The following EML6 variants were observed in gnomAD, a reference collection of about 807,000 sequenced individuals.
The protein encoded by EML6 is EMAP like 6.
A neutral mutation model predicts 240.1 loss-of-function variants in EML6; 154 were observed. The observed-to-expected ratio is 0.64, with a 90% CI of 0.56 to 0.73. EML6 has a LOEUF of 0.73. Ranked by LOEUF, EML6 falls within the 30% of genes least tolerant of loss-of-function variation. The pLI is 0.00. For synonymous variants in EML6, 1,148 were observed against 899.0 expected (o/e 1.28, Z -4.95); for missense variants, 2,964 against 2,474.6 (o/e 1.20, Z -4.20).
chr2:54,887,526 G>T (rs1573074400), intron 17 of EML6, among the ~76,000 whole-genome samples: 1 of 152,126 alleles, frequency 6.6e-6, no homozygotes, highest in Admixed American at 6.5e-5. Flanking sequence ...TTTTTATGTG[G>T]TTAAATTTAT....
chr2:54,848,523 C>T (rs1470050973), intron 9 of EML6, among the ~76,000 whole-genome samples: 2 of 3,912 alleles, frequency 5.1e-4, no homozygotes, highest in Non-Finnish European at 1.2e-3. Flanking sequence ...AGCTTCCACA[C>T]TACACACACA....
intron 2 of EML6, among the ~76,000 whole-genome samples, chr2:54,779,474 A>G (rs954393090): frequency 4.1e-5 from 6 of 146,362 alleles, no homozygotes; most frequent in Non-Finnish European, 6.0e-5. Context: ...TGAACTCGGG[A>G]GGTGGAGGTT....
intron 28 of EML6, among the ~76,000 whole-genome samples, chr2:54,936,607 A>C (rs1181707079): frequency 4.6e-5 from 7 of 152,184 alleles, no homozygotes; most frequent in African/African-American, 1.7e-4. Flanking sequence ...TAATTAGCTC[A>C]AGGATTGTTT....
chr2:54,767,597 A>AGTGTGTGTGTGTGTGTGT (rs111232633), intron 2 of EML6, among the ~76,000 whole-genome samples: 4 of 145,510 alleles, frequency 2.7e-5, no homozygotes, highest in African/African-American at 1.0e-4. Context: ...TGGTATGAAG[A>AGTGTGTGTGTGTGTGTGT]GTGTGTGTGT....
intron 30 of EML6, 112 bp downstream of exon 30, chr2:54,950,891 C>T (rs1416054630): frequency 9.8e-6 from 11 of 1,118,536 alleles, no homozygotes; most frequent in Non-Finnish European, 1.4e-5. Flanking sequence ...TAGAGCCATT[C>T]CCCCCAATTC....
At chr2:54,880,898 G>C (rs1483947082) in intron 17 of EML6, 3 of 152,188 alleles carry the variant, frequency 2.0e-5, no homozygotes, top group African/African-American at 7.2e-5. Flanking sequence ...ACCCTCTGCA[G>C]CTATGGGTGG....
At chr2:54,943,915 G>T (rs557055245) in intron 28 of EML6, among the ~76,000 whole-genome samples, 2 of 152,256 alleles carry the variant, frequency 1.3e-5, no homozygotes, top group South Asian at 4.2e-4. Flanking sequence ...TGTGGCATTG[G>T]CTACTGAATT....
At chr2:54,935,481 A>G (rs1573176627) in intron 28 of EML6, among the ~76,000 whole-genome samples, 2 of 152,200 alleles carry the variant, frequency 1.3e-5, no homozygotes, top group East Asian at 3.8e-4. Flanking sequence ...ATAACTTTTT[A>G]AAAATCAGAG....
intron 25 of EML6, among the ~76,000 whole-genome samples, chr2:54,912,948 TG>T (rs559920967): frequency 2.0e-4 from 30 of 152,282 alleles, no homozygotes; most frequent in African/African-American, 6.5e-4. Flanking sequence ...CTGAGTAGAA[TG>T]GTAATTCTTT....
intron 13 of EML6, 73 bp from the exon 14 acceptor site, chr2:54,866,693 G>C: frequency 1.4e-6 from 1 of 729,728 alleles, no homozygotes; most frequent in Non-Finnish European, 2.2e-6. Flanking sequence ...GATTTTACAA[G>C]AATGTCAAGA....
At chr2:54,834,621 G>C (rs190811184) in intron 7 of EML6, among the ~76,000 whole-genome samples, 3 of 152,254 alleles carry the variant, frequency 2.0e-5, no homozygotes, top group Admixed American at 2.0e-4. Context: ...GGAGGTCGGG[G>C]GAGTTCTGTG....
intron 2 of EML6, among the ~76,000 whole-genome samples, chr2:54,751,361 G>T (rs1378090843): frequency 1.3e-5 from 2 of 152,152 alleles, no homozygotes; most frequent in Admixed American, 6.5e-5. Flanking sequence ...ACTCTAATGG[G>T]AGTATAGATA....
intron 2 of EML6, among the ~76,000 whole-genome samples, chr2:54,727,428 A>G (rs142994421): frequency 6.6e-6 from 1 of 152,242 alleles, no homozygotes; most frequent in Admixed American, 6.5e-5. Flanking sequence ...ATTAAGAGCT[A>G]TGAAATTGGA....
intron 24 of EML6, 25 bp downstream of exon 24, chr2:54,903,527 A>G (rs2104225854): frequency 6.5e-7 from 1 of 1,527,904 alleles, no homozygotes; most frequent in South Asian, 1.2e-5. Flanking sequence ...GGCTTTTAAA[A>G]TAGAATTTCT....
intron 32 of EML6, among the ~76,000 whole-genome samples, chr2:54,957,374 C>T (rs922124443): frequency 7.7e-6 from 1 of 129,836 alleles, no homozygotes; most frequent in East Asian, 2.4e-4. Flanking sequence ...AAAAAAAAAG[C>T]TCTCTAGAGG....
intron 2 of EML6, among the ~76,000 whole-genome samples, chr2:54,791,983 A>G (rs965137470): frequency 1.3e-5 from 2 of 152,200 alleles, no homozygotes; most frequent in African/African-American, 4.8e-5. Context: ...GGCTTATTGT[A>G]GTGTTTATTA....
At chr2:54,850,822 G>T (rs1670039224) in intron 10 of EML6, among the ~76,000 whole-genome samples, 1 of 152,222 alleles carries the variant, frequency 6.6e-6, no homozygotes, top group Non-Finnish European at 1.5e-5. Flanking sequence ...GAGGAGAGTT[G>T]AGTTAAATGT....
At chr2:54,798,133 TTCTTG>T (rs1340380704) in intron 2 of EML6, among the ~76,000 whole-genome samples, 13 of 152,136 alleles carry the variant, frequency 8.5e-5, no homozygotes, top group Non-Finnish European at 1.8e-4. Context: ...ATAATATCTC[TTCTTG>T]TCTTTAATTT....
intron 13 of EML6, among the ~76,000 whole-genome samples, chr2:54,865,331 A>AC (rs1553401150): frequency 6.6e-6 from 1 of 151,532 alleles, no homozygotes; most frequent in African/African-American, 2.4e-5. Context: ...CAAAAAAAAA[A>AC]AAAAACTGCT....
Sources: gnomAD v4.1 joint callset for allele counts (sites outside exome capture counted in the v4.1 genomes callset) on GRCh38, gnomAD v4.1.1 for gene constraint, MANE v1.5 for transcripts, NCBI Gene and HGNC (gene_info 2026-07-23, HGNC 2026-07-21) for gene names.